Variants in MALRD1 observed in about 807,000 individuals in gnomAD.
MALRD1 encodes MAM and LDL-receptor class A domain-containing protein 1.
MALRD1 carries 247 observed loss-of-function variants against 242.1 expected under a neutral mutation model. The ratio of observed to expected loss-of-function variants is 1.02; its 90% CI spans 0.92 to 1.13. MALRD1 has a LOEUF of 1.13. Ranked by LOEUF, MALRD1 falls within the 50% of genes most tolerant of loss-of-function variation. The pLI, the probability that MALRD1 is intolerant of heterozygous loss-of-function variation, is 0.00. For synonymous variants in MALRD1, 995 were observed against 866.6 expected (o/e 1.15, Z -2.60); for missense variants, 2,989 against 2,533.1 (o/e 1.18, Z -3.86).
At chr10:19,283,386 G>A (rs1207459716) in intron 21 of MALRD1, among the ~76,000 whole-genome samples, 24 of 152,122 alleles carry the variant, frequency 1.6e-4, no homozygotes, top group South Asian at 2.1e-4. Flanking sequence ...CATAGAAACC[G>A]GAGAAGAACA....
At chr10:19,438,884 C>G (rs1319534549) in intron 28 of MALRD1, among the ~76,000 whole-genome samples, 1 of 152,112 alleles carries the variant, frequency 6.6e-6, no homozygotes, top group Non-Finnish European at 1.5e-5. Context: ...CAGGATCTAT[C>G]CCAGGCTCTT....
intron 28 of MALRD1, among the ~76,000 whole-genome samples, chr10:19,394,031 G>A (rs1249594353): frequency 2.0e-5 from 3 of 152,120 alleles, no homozygotes; most frequent in Non-Finnish European, 2.9e-5. Context: ...GCATGCTTTA[G>A]GGAATTTGAA....
chr10:19,082,939 T>C (rs1835540925), intron 2 of MALRD1, among the ~76,000 whole-genome samples: 1 of 152,038 alleles, frequency 6.6e-6, no homozygotes, highest in Non-Finnish European at 1.5e-5. Context: ...ATCAAGGCAC[T>C]GGCAGATTCA....
At chr10:19,477,472 A>G (rs993690194) in intron 29 of MALRD1, among the ~76,000 whole-genome samples, 4 of 152,022 alleles carry the variant, frequency 2.6e-5, no homozygotes, top group Non-Finnish European at 5.9e-5. Context: ...AAATAAATAA[A>G]TAAATAAATA....
At chr10:19,158,503 A>G (rs1345295580) in intron 12 of MALRD1, among the ~76,000 whole-genome samples, 3 of 152,232 alleles carry the variant, frequency 2.0e-5, no homozygotes, top group East Asian at 1.9e-4. Context: ...GAGTCTGCCA[A>G]TGCAGAGAGG....
chr10:19,381,740 G>A (rs1369566140), intron 26 of MALRD1, among the ~76,000 whole-genome samples: 6 of 151,950 alleles, frequency 3.9e-5, no homozygotes, highest in African/African-American at 7.3e-5. Flanking sequence ...TTAGGAGGCT[G>A]AGGCAGGAGA....
rs577456156 is a variant in MALRD1, at chr10:19,517,751, AAGCTCAAAACACAAATTTGAGG to A, written c.5321-13434_5321-13413del. ...CAGTAATTGTTCGAATAAAATCAGG[AAGCTCAAAACACAAATTTGAGG>A]AGCTCAAATTTAAGAGAGAACTCAC... is the stretch of plus-strand genomic sequence containing the variant. On this transcript the variant is annotated intron_variant, in intron 31 of 39. Coordinates refer to ENST00000454679, the MANE Select transcript of MALRD1 (RefSeq NM_001142308.3). Among the ~76,000 whole-genome samples, 185 of 152,254 alleles carry A rather than the reference AAGCTCAAAACACAAATTTGAGG, an allele frequency of 1.2e-3. 2 individuals are homozygous for A. Among genetic ancestry groups the A allele is most frequent in the Admixed American group, 0.011 (163 of 15,286 alleles).
intron 29 of MALRD1, among the ~76,000 whole-genome samples, chr10:19,483,441 C>T (rs1206119770): frequency 1.3e-5 from 2 of 151,968 alleles, no homozygotes; most frequent in East Asian, 1.9e-4. Context: ...CTATAAGCAA[C>T]TGAAGTTGAT....
chr10:19,122,362 T>C (rs1837094462), intron 5 of MALRD1, among the ~76,000 whole-genome samples: 1 of 152,180 alleles, frequency 6.6e-6, no homozygotes, highest in Non-Finnish European at 1.5e-5. Context: ...TAATACTCCT[T>C]TTGAAGAGTG....
intron 11 of MALRD1, among the ~76,000 whole-genome samples, chr10:19,153,252 C>T (rs939515754): frequency 2.6e-5 from 4 of 152,130 alleles, no homozygotes; most frequent in Non-Finnish European, 5.9e-5. Flanking sequence ...ATATTTGTTC[C>T]TATGCTCACA....
At chr10:19,295,194 TTAA>T (rs1841638307) in intron 21 of MALRD1, among the ~76,000 whole-genome samples, 1 of 150,616 alleles carries the variant, frequency 6.6e-6, no homozygotes, top group African/African-American at 2.4e-5. Context: ...GAATTTTGTG[TTAA>T]TTATTATTAT....
intron 24 of MALRD1, among the ~76,000 whole-genome samples, chr10:19,342,292 A>G (rs2130961791): frequency 6.6e-6 from 1 of 152,218 alleles, no homozygotes; most frequent in East Asian, 1.9e-4. Context: ...GTTCTTAGTC[A>G]ATAACCATTT....
intron 36 of MALRD1, among the ~76,000 whole-genome samples, chr10:19,662,706 A>T: frequency 6.6e-6 from 1 of 152,170 alleles, no homozygotes; most frequent in East Asian, 1.9e-4. Flanking sequence ...ATTTCTGTAT[A>T]TAACTTTGGA....
intron 14 of MALRD1, among the ~76,000 whole-genome samples, chr10:19,193,471 C>T (rs975257689): frequency 6.6e-6 from 1 of 152,152 alleles, no homozygotes; most frequent in Non-Finnish European, 1.5e-5. Context: ...GAAAGGATCT[C>T]TTGAGCCTGG....
intron 21 of MALRD1, among the ~76,000 whole-genome samples, chr10:19,306,202 GTA>G (rs540808835): frequency 6.2e-4 from 74 of 120,314 alleles, no homozygotes; most frequent in Middle Eastern, 0.02. Context: ...TACATATATA[GTA>G]TATATATACA....
chr10:19,597,703 T>G (rs557331229), intron 34 of MALRD1, among the ~76,000 whole-genome samples: 17 of 152,272 alleles, frequency 1.1e-4, no homozygotes, highest in Middle Eastern at 3.4e-3. Flanking sequence ...TATACATTAG[T>G]GAAGGAGGCT....
At chr10:19,381,721 C>T (rs2130786931) in intron 26 of MALRD1, among the ~76,000 whole-genome samples, 1 of 151,406 alleles carries the variant, frequency 6.6e-6, no homozygotes, top group Admixed American at 6.6e-5. Flanking sequence ...CACCTGTAAT[C>T]CCAGCTACTT....
intron 1 of MALRD1, among the ~76,000 whole-genome samples, chr10:19,060,560 AT>A (rs1834794729): frequency 6.6e-6 from 1 of 151,916 alleles, no homozygotes; most frequent in Non-Finnish European, 1.5e-5. Context: ...TCACTCTCCC[AT>A]TGTGGTTTTC....
At position 19,692,557 on chromosome 10, in the gene MALRD1, A is replaced by T; in HGVS notation, c.6314+3A>T. On this transcript the variant is annotated splice_donor_region_variant and intron_variant, in intron 38 of 39. Coordinates refer to ENST00000454679, the MANE Select transcript of MALRD1 (RefSeq NM_001142308.3). ...GCAAACAGAAAGGTACCAATAAGGT[A>T]AGTGATGCCTTTAGTTGCTAAATGA... 6.5e-7 allele frequency: 1 copy of T among 1,530,234 alleles called. No individual in the cohort carries two copies. The highest frequency in any genetic ancestry group is 1.7e-4 in the Middle Eastern group (1 of 5,980). 94.8% of individuals were successfully genotyped at this position (1,530,234 alleles called of 1,614,324 possible). A position where few individuals can be genotyped will look rare whatever the true frequency, so the allele number is the denominator to read the frequency against.
Sources: gnomAD v4.1 joint callset for allele counts (sites outside exome capture counted in the v4.1 genomes callset) on GRCh38, gnomAD v4.1.1 for gene constraint, MANE v1.5 for transcripts, NCBI Gene and HGNC (gene_info 2026-07-23, HGNC 2026-07-21) for gene names.